Variants in NBAS observed in about 807,000 individuals in gnomAD.
NBAS encodes the protein NAG/BC035112 fusion.
A neutral mutation model predicts 302.5 loss-of-function variants in NBAS; 219 were observed. The observed-to-expected ratio is 0.72, with a 90% CI of 0.65 to 0.81. The LOEUF is 0.81. Ranked by LOEUF, NBAS falls within the 30% of genes least tolerant of loss-of-function variation. The pLI is 0.00. For missense variants in NBAS, 2,932 were observed against 2,841.6 expected (o/e 1.03, Z -0.72); for synonymous variants, 1,118 against 1,021.6 (o/e 1.09, Z -1.80).
chr2:14,926,764 T>A, the NBAS span, among the ~76,000 whole-genome samples: 1 of 152,112 alleles, frequency 6.6e-6, no homozygotes, highest in Admixed American at 6.5e-5. Context: ...AAACACCAAC[T>A]CCCCATTCTC....
At chr2:15,120,430 G>C in the NBAS span, among the ~76,000 whole-genome samples, 51 of 151,906 alleles carry the variant, frequency 3.4e-4, no homozygotes, top group Non-Finnish European at 2.1e-4. Flanking sequence ...TTCCACTTCA[G>C]GTATGTCAGA....
chr2:15,159,335 C>T, the NBAS span, among the ~76,000 whole-genome samples: 1 of 152,150 alleles, frequency 6.6e-6, no homozygotes, highest in Non-Finnish European at 1.5e-5. Flanking sequence ...AGAACAATCC[C>T]ATGTTTGGGA....
chr2:15,474,304 G>C lies in NBAS; in HGVS notation c.1362C>G (p.Pro454=). The change falls in exon 15 of 52, where the codon CCC becomes CCG. Residue 454 remains proline, a synonymous_variant. Transcript: ENST00000281513. ...LSLECEIKLA[P]KRSRLETRAG... is the part of the protein sequence containing the mutation. ...CTCTAGTCTCCAAACGAGATCGTTT[G>C]GGGGCAAGTTTAATCTCACACTAAA... 1 of 1,613,282 alleles carries C rather than the reference G, an allele frequency of 6.2e-7. No individual in the cohort carries two copies. Among genetic ancestry groups the C allele is most frequent in the East Asian group, 2.2e-5 (1 of 44,852 alleles).
At chr2:14,915,283 T>A in the NBAS span, among the ~76,000 whole-genome samples, 1 of 152,230 alleles carries the variant, frequency 6.6e-6, no homozygotes, top group Non-Finnish European at 1.5e-5. Flanking sequence ...AGGAGCTCAG[T>A]GCTGAAAAAC....
At chr2:14,858,274 TAG>T in the NBAS span, among the ~76,000 whole-genome samples, 1 of 152,026 alleles carries the variant, frequency 6.6e-6, no homozygotes, top group Admixed American at 6.6e-5. Flanking sequence ...AAACTAAAAA[TAG>T]AGTTACCATA....
rs144026659 is a variant in NBAS at position 15,344,273 on chromosome 2, TAAGAAA to T, written c.4179+7713_4179+7718del. On this transcript the variant is annotated intron_variant, in intron 35 of 51. Coordinates refer to ENST00000281513, the MANE Select transcript of NBAS (RefSeq NM_015909.4). ...AAAAATAGACTGCTAGCTGAAAGAA[TAAGAAA>T]AAGAGAGAAGAATCAAATAGACACA... is the stretch of plus-strand genomic sequence containing the variant. Among the ~76,000 whole-genome samples, 798 of 151,288 alleles carry T rather than the reference TAAGAAA, an allele frequency of 5.3e-3. 6 individuals are homozygous for T. The highest frequency in any genetic ancestry group is 8.0e-3 in the South Asian group (38 of 4,776).
chr2:15,316,515 C>T (rs2005907), intron 38 of NBAS, among the ~76,000 whole-genome samples: 40,545 of 152,082 alleles, frequency 0.27, 5,991 homozygotes, highest in East Asian at 0.59. Flanking sequence ...GGGACACTCC[C>T]GCCCAAAATA....
At chr2:15,461,859 T>A (rs1326432017) in intron 19 of NBAS, 68 bp from the exon 20 acceptor site, 1 of 854,714 alleles carries the variant, frequency 1.2e-6, no homozygotes, top group East Asian at 2.6e-5. Context: ...AAGAAAATAT[T>A]AAAAACCTTT....
chr2:14,955,649 C>T, the NBAS span, among the ~76,000 whole-genome samples: 2 of 152,244 alleles, frequency 1.3e-5, no homozygotes, highest in Non-Finnish European at 2.9e-5. Context: ...AGACCCAACA[C>T]CATGTGGAAG....
chr2:15,345,858 T>C (rs1184291227), intron 35 of NBAS, among the ~76,000 whole-genome samples: 2 of 152,160 alleles, frequency 1.3e-5, no homozygotes, highest in Non-Finnish European at 2.9e-5. Context: ...ACCATGCATC[T>C]ACAACCATCT....
intron 38 of NBAS, among the ~76,000 whole-genome samples, chr2:15,310,273 A>T (rs956025744): frequency 3.3e-5 from 5 of 152,224 alleles, no homozygotes; most frequent in African/African-American, 1.2e-4. Context: ...CCTGTGGATG[A>T]TTCACAGAGA....
the NBAS span, among the ~76,000 whole-genome samples, chr2:14,925,423 A>C: frequency 6.6e-6 from 1 of 151,934 alleles, no homozygotes; most frequent in Non-Finnish European, 1.5e-5. Flanking sequence ...TAGGCTACAC[A>C]CTCCTACTTT....
chr2:15,343,237 C>T (rs2148274416), intron 35 of NBAS, among the ~76,000 whole-genome samples: 1 of 152,218 alleles, frequency 6.6e-6, no homozygotes, highest in South Asian at 2.1e-4. Flanking sequence ...TATGCATTCT[C>T]ATATTCTCAA....
At chr2:15,217,782 A>G (rs1299819298) in intron 48 of NBAS, among the ~76,000 whole-genome samples, 1 of 152,264 alleles carries the variant, frequency 6.6e-6, no homozygotes, top group African/African-American at 2.4e-5. Context: ...TAAGGATTTA[A>G]ACTCTGAGTA....
chr2:15,426,834 C>T (rs1294693011), intron 22 of NBAS, among the ~76,000 whole-genome samples: 2 of 152,144 alleles, frequency 1.3e-5, no homozygotes, highest in South Asian at 2.1e-4. Flanking sequence ...AGAACCTGTT[C>T]GTTTGTTGGC....
At chr2:14,934,014 G>C in the NBAS span, among the ~76,000 whole-genome samples, 1 of 152,200 alleles carries the variant, frequency 6.6e-6, no homozygotes, top group Non-Finnish European at 1.5e-5. Context: ...CAAATATGGA[G>C]AGTAGTGTAA....
At chr2:15,389,357 C>A (rs1398606280) in intron 28 of NBAS, among the ~76,000 whole-genome samples, 1 of 152,218 alleles carries the variant, frequency 6.6e-6, no homozygotes, top group East Asian at 1.9e-4. Context: ...ACACTCTAAT[C>A]TTAGCCTCAG....
At chr2:15,104,994 T>C in the NBAS span, among the ~76,000 whole-genome samples, 2 of 152,064 alleles carry the variant, frequency 1.3e-5, no homozygotes, top group Non-Finnish European at 2.9e-5. Flanking sequence ...TAGCAAAGAC[T>C]TGGAACCAAC....
At chr2:15,295,214 G>A (rs1021922078) in intron 40 of NBAS, among the ~76,000 whole-genome samples, 3 of 152,176 alleles carry the variant, frequency 2.0e-5, no homozygotes, top group African/African-American at 7.2e-5. Context: ...CCAAGGCTAG[G>A]TGAAGAGAAA....
Sources: gnomAD v4.1 joint callset for allele counts (sites outside exome capture counted in the v4.1 genomes callset) on GRCh38, gnomAD v4.1.1 for gene constraint, MANE v1.5 for transcripts, NCBI Gene and HGNC (gene_info 2026-07-23, HGNC 2026-07-21) for gene names.